Variants in TSC22D1 observed in about 807,000 individuals in gnomAD.
TSC22D1 encodes the protein TSC22 domain family member 1.
Under a neutral mutation model 74.2 loss-of-function variants are expected in TSC22D1, and 9 were observed. The ratio of observed to expected loss-of-function variants is 0.12; its 90% confidence interval spans 0.07 to 0.21. The LOEUF is 0.21. TSC22D1 is among the 10% of genes least tolerant of loss of function. The pLI is 1.00. For missense variants in TSC22D1, 1,427 were observed against 1,304.7 expected (o/e 1.09, Z -1.44); for synonymous variants, 586 against 492.5 (o/e 1.19, Z -2.51).
At chr13:44,480,641 A>G (rs1221212759) in intron 1 of TSC22D1, among the ~76,000 whole-genome samples, 1 of 152,136 alleles carries the variant, frequency 6.6e-6, no homozygotes, top group Non-Finnish European at 1.5e-5. Context: ...TGAAAACAGG[A>G]ATAAATAAGA....
At chr13:44,564,932 T>C (rs868203880) in intron 1 of TSC22D1, among the ~76,000 whole-genome samples, 2 of 152,280 alleles carry the variant, frequency 1.3e-5, no homozygotes, top group African/African-American at 2.4e-5. Flanking sequence ...CTATCAAGAA[T>C]GACTCTCAGG....
At chr13:44,545,398 A>T (rs772747249) in intron 1 of TSC22D1, among the ~76,000 whole-genome samples, 1 of 152,100 alleles carries the variant, frequency 6.6e-6, no homozygotes. Flanking sequence ...AAAGGCTAGT[A>T]TATGTCATTA....
chr13:44,495,295 G>GAAAA (rs34584059), intron 1 of TSC22D1, among the ~76,000 whole-genome samples: 1 of 90,502 alleles, frequency 1.1e-5, no homozygotes, highest in African/African-American at 4.2e-5. Context: ...AAATGCTAAG[G>GAAAA]AAAAAAAAAA....
At chr13:44,567,744 AGAG>A (rs1028297764) in intron 1 of TSC22D1, among the ~76,000 whole-genome samples, 17 of 152,180 alleles carry the variant, frequency 1.1e-4, no homozygotes, top group South Asian at 4.1e-4. Flanking sequence ...TATCCAAATA[AGAG>A]GAGTTTAAGA....
intron 2 of TSC22D1, chr13:44,435,758 C>A: frequency 2.1e-6 from 1 of 481,714 alleles, no homozygotes; most frequent in South Asian, 2.1e-5. Flanking sequence ...AGTTGGCCAG[C>A]GCTTCCCTAA....
intron 1 of TSC22D1, 147 bp downstream of exon 1, chr13:44,573,016 G>C (rs1883876526): frequency 9.0e-7 from 1 of 1,109,866 alleles, no homozygotes; most frequent in African/African-American, 1.6e-5. Flanking sequence ...CATAACTCTT[G>C]CTCTATAAAA....
At position 44,502,574 on chromosome 13, in the gene TSC22D1, A is replaced by G. The variant is rs148406619; in HGVS notation, c.2913-66479T>C. ...CATTCATACAACAAATGCTTAGCTC[A>G]TTAGGGCTCAATTTTCTCAAGAAAT... On this transcript the variant is annotated intron_variant, in intron 1 of 2. Coordinates refer to ENST00000458659, the MANE Select transcript of TSC22D1 (RefSeq NM_183422.4). Among the ~76,000 whole-genome samples the G allele has an allele frequency of 1.5e-3, 221 of 152,310 alleles. 2 individuals are homozygous for G. In the East Asian group the frequency reaches 0.019, roughly 13 times the overall value.
At chr13:44,543,608 G>A (rs146492831) in intron 1 of TSC22D1, among the ~76,000 whole-genome samples, 252 of 152,320 alleles carry the variant, frequency 1.7e-3, no homozygotes, top group African/African-American at 5.7e-3. Flanking sequence ...ATGCTTAACA[G>A]AAGCAGTGTG....
At chr13:44,500,762 G>T (rs1879189708) in intron 1 of TSC22D1, among the ~76,000 whole-genome samples, 1 of 152,152 alleles carries the variant, frequency 6.6e-6, no homozygotes, top group Admixed American at 6.5e-5. Context: ...ATAGCTCACT[G>T]CAGCCTCAAA....
intron 1 of TSC22D1, among the ~76,000 whole-genome samples, chr13:44,438,312 G>A (rs577296070): frequency 1.3e-5 from 2 of 152,164 alleles, no homozygotes; most frequent in Admixed American, 6.5e-5. Flanking sequence ...TGTAATACAC[G>A]CACATGCACA....
intron 1 of TSC22D1, among the ~76,000 whole-genome samples, chr13:44,455,780 A>G (rs1232304486): frequency 6.6e-6 from 1 of 152,214 alleles, no homozygotes; most frequent in East Asian, 1.9e-4. Context: ...TGCACCGAAC[A>G]CACTCATTTA....
At chr13:44,547,351 G>A (rs544960329) in intron 1 of TSC22D1, among the ~76,000 whole-genome samples, 1 of 152,074 alleles carries the variant, frequency 6.6e-6, no homozygotes, top group Non-Finnish European at 1.5e-5. Context: ...TTGGTAAACA[G>A]TTCTCTAGAG....
chr13:44,533,935 AAT>A (rs1375910282), intron 1 of TSC22D1, among the ~76,000 whole-genome samples: 1 of 152,244 alleles, frequency 6.6e-6, no homozygotes, highest in Non-Finnish European at 1.5e-5. Context: ...GGTAAGGTGG[AAT>A]AAATAGCAAA....
In TSC22D1 at chr13:44,517,857, ATTTT is replaced by A. The variant is rs71070912; in HGVS notation, c.2912+55302_2912+55305del. On this transcript the variant is annotated intron_variant, in intron 1 of 2. Coordinates refer to ENST00000458659, the MANE Select transcript of TSC22D1 (RefSeq NM_183422.4). ...TATATATATATATATATATATATAT[ATTTT>A]TTTTTTTTTTTTTTTTTTAACAAGG... 2.0e-3 allele frequency among the ~76,000 whole-genome samples: 32 copies of A among 16,162 alleles called. 1 individual carries two copies. The highest frequency in any genetic ancestry group is 4.4e-3 in the African/African-American group (24 of 5,488). The allele number at this position is 16,162 out of a possible 152,430, so 10.6% of individuals were successfully genotyped here. A position where few individuals can be genotyped will look rare whatever the true frequency, so the allele number is the denominator to read the frequency against.
intron 1 of TSC22D1, among the ~76,000 whole-genome samples, chr13:44,495,269 C>A: frequency 7.2e-6 from 1 of 138,958 alleles, no homozygotes; most frequent in Admixed American, 7.4e-5. Flanking sequence ...CAGAAAGCAG[C>A]AGGGTGACAT....
intron 1 of TSC22D1, among the ~76,000 whole-genome samples, chr13:44,551,671 T>G (rs1882285128): frequency 6.6e-6 from 1 of 152,176 alleles, no homozygotes; most frequent in Non-Finnish European, 1.5e-5. Flanking sequence ...TCCACCTGCC[T>G]TGGCCTCCCA....
At chr13:44,445,361 C>T (rs896931822) in intron 1 of TSC22D1, among the ~76,000 whole-genome samples, 4 of 150,884 alleles carry the variant, frequency 2.7e-5, no homozygotes, top group Non-Finnish European at 4.4e-5. Context: ...CCATTCTTTA[C>T]GCCATATGAA....
rs1874147822 is a variant in TSC22D1, at chr13:44,432,692, T to G, written c.*1934A>C. 1.3e-5 allele frequency: 2 copies of G among 150,980 alleles called. No homozygotes were observed. Among genetic ancestry groups the G allele is most frequent in the East Asian group, 3.8e-4 (2 of 5,196 alleles). The allele number at this position is 150,980 out of a possible 1,614,324, so 9.4% of individuals were successfully genotyped here. On this transcript the variant is annotated 3_prime_UTR_variant, in exon 3 of 3. Transcript: ENST00000458659. ...TGAGAGAAATGAATGATTCAGAAAG[T>G]TTGTCCTTGTTCTGCAAGGACTTAA...
Position 44,434,680 on chromosome 13 carries a change from GC to G in TSC22D1, c.3167del (p.Gly1056AlafsTer31), listed in dbSNP as rs1263334009. The G allele has an allele frequency of 6.2e-7, 1 of 1,607,680 alleles. No individual in the cohort carries two copies. The highest frequency in any genetic ancestry group is 1.3e-5 in the African/African-American group (1 of 74,830). ...CTGGCTGGGCGGGGGGCTGTGTGGTGCCCTGTGGCTGGGTGGTGGCAGGGGG... is the reference window on the plus strand; with the variant it reads ...CTGGCTGGGCGGGGGGCTGTGTGGTGCCTGTGGCTGGGTGGTGGCAGGGGG... ...GSPPATTQPQ[G>X]TTQPPAQPAS... On this transcript the variant is annotated frameshift_variant, in exon 3 of 3. Coordinates refer to ENST00000458659, the MANE Select transcript of TSC22D1 (RefSeq NM_183422.4). LOFTEE classifies it high-confidence loss of function.
Sources: allele counts gnomAD v4.1 joint callset (sites outside exome capture counted in the v4.1 genomes callset), GRCh38; gene constraint gnomAD v4.1.1; transcripts MANE v1.5; gene names NCBI Gene and HGNC (gene_info 2026-07-23, HGNC 2026-07-21).